Variants in EFCAB8 observed in about 807,000 individuals in gnomAD.
EFCAB8 encodes EF-hand calcium binding domain 8.
In EFCAB8, 100 loss-of-function variants were observed where a neutral mutation model predicts 116.3. The ratio of observed to expected loss-of-function variants is 0.86; its 90% CI spans 0.73 to 1.02. EFCAB8 has a LOEUF of 1.02. Ranked by LOEUF, EFCAB8 falls within the 50% of genes least tolerant of loss-of-function variation. The pLI is 0.00. For synonymous variants in EFCAB8, 558 were observed against 567.9 expected, an observed-to-expected ratio of 0.98 and a Z score of 0.25; for missense variants, 1,320 against 1,416.9, an observed-to-expected ratio of 0.93 and a Z score of 1.10.
chr20:32,958,644 T>C (rs1452980510), intron 24 of EFCAB8, 94 bp downstream of exon 24: 1 of 402,906 alleles, frequency 2.5e-6, no homozygotes, highest in African/African-American at 2.1e-5. Flanking sequence ...CTGGGTTGGG[T>C]AGAGCTAGGC....
At chr20:32,889,826 AC>A (rs1423142405) in intron 7 of EFCAB8, among the ~76,000 whole-genome samples, 1 of 151,082 alleles carries the variant, frequency 6.6e-6, no homozygotes, top group Non-Finnish European at 1.5e-5. Context: ...ACATGGTGAA[AC>A]CCCGCCTCTA....
chr20:32,902,631 T>G (rs974144068), intron 11 of EFCAB8, among the ~76,000 whole-genome samples: 7 of 152,216 alleles, frequency 4.6e-5, no homozygotes, highest in Non-Finnish European at 1.0e-4. Flanking sequence ...CCATGCATTC[T>G]TGTCTGCATG....
At chr20:32,896,633 C>A in intron 10 of EFCAB8, 106 bp downstream of exon 10, 1 of 661,878 alleles carries the variant, frequency 1.5e-6, no homozygotes, top group Non-Finnish European at 2.8e-6. Flanking sequence ...TCAGTCTTAG[C>A]CCTTGGGGTT....
At chr20:32,877,290 C>A (rs1362294660) in intron 4 of EFCAB8, among the ~76,000 whole-genome samples, 1 of 137,112 alleles carries the variant, frequency 7.3e-6, no homozygotes, top group Non-Finnish European at 1.5e-5. Flanking sequence ...CTCTTTGCAA[C>A]CTCTGCCTCC....
intron 6 of EFCAB8, among the ~76,000 whole-genome samples, chr20:32,886,140 TG>T (rs1985616458): frequency 6.6e-6 from 1 of 152,228 alleles, no homozygotes; most frequent in African/African-American, 2.4e-5. Context: ...CTCTGTGACC[TG>T]GACAAGGTAC....
intron 3 of EFCAB8, among the ~76,000 whole-genome samples, chr20:32,871,860 C>T (rs2146178835): frequency 6.6e-6 from 1 of 152,238 alleles, no homozygotes; most frequent in East Asian, 1.9e-4. Flanking sequence ...TGAGGGAAGT[C>T]AGTGGTTCTT....
chr20:32,895,618 C>T (rs1297324580), intron 9 of EFCAB8, among the ~76,000 whole-genome samples: 1 of 148,532 alleles, frequency 6.7e-6, no homozygotes, highest in Non-Finnish European at 1.5e-5. Flanking sequence ...ATTGCCCAGG[C>T]TGGAGTGCAA....
At chr20:32,939,123 TTCTCTTTCTTTC>T (rs1988254882) in intron 22 of EFCAB8, among the ~76,000 whole-genome samples, 1 of 112,748 alleles carries the variant, frequency 8.9e-6, no homozygotes, top group Non-Finnish European at 1.9e-5. Flanking sequence ...CTCTCTTTCT[TTCTCTTTCTTTC>T]TTTCTTTCTT....
intron 15 of EFCAB8, among the ~76,000 whole-genome samples, chr20:32,910,738 CTTTTTT>C (rs34185318): frequency 2.8e-5 from 3 of 107,308 alleles, no homozygotes; most frequent in Admixed American, 1.1e-4. Flanking sequence ...TCACTTGCTA[CTTTTTT>C]TTTTTTTTTT....
At chr20:32,937,109 A>C (rs953436589) in intron 22 of EFCAB8, among the ~76,000 whole-genome samples, 2 of 151,842 alleles carry the variant, frequency 1.3e-5, no homozygotes, top group African/African-American at 4.8e-5. Context: ...ATTTGTAATA[A>C]AATTAAGCAT....
intron 23 of EFCAB8, among the ~76,000 whole-genome samples, chr20:32,955,076 T>G (rs1473002453): frequency 6.6e-6 from 1 of 152,202 alleles, no homozygotes; most frequent in Non-Finnish European, 1.5e-5. Flanking sequence ...TCTCTTGGTT[T>G]TACCTAAAAA....
chr20:32,898,669 A>G, intron 11 of EFCAB8, 46 bp downstream of exon 11: 2 of 694,352 alleles, frequency 2.9e-6, no homozygotes, highest in Non-Finnish European at 2.7e-6. Flanking sequence ...GCTGGAAGGG[A>G]GGGGGGTGGT....
intron 20 of EFCAB8, 147 bp from the exon 21 acceptor site, chr20:32,930,251 G>A: frequency 1.5e-6 from 1 of 648,476 alleles, no homozygotes; most frequent in South Asian, 1.9e-5. Flanking sequence ...ACCAGCTGGG[G>A]AGGAAGGGTG....
At chr20:32,930,284 TG>T in intron 20 of EFCAB8, 113 bp from the exon 21 acceptor site, 1 of 840,844 alleles carries the variant, frequency 1.2e-6, no homozygotes, top group Non-Finnish European at 1.8e-6. Flanking sequence ...CCACTTTCAC[TG>T]GGCATCTAGG....
chr20:32,941,993 A>G (rs903827891), intron 22 of EFCAB8, among the ~76,000 whole-genome samples: 8 of 152,220 alleles, frequency 5.3e-5, no homozygotes, highest in South Asian at 2.1e-4. Context: ...AAGAGTATGT[A>G]AAAGAACATA....
At chr20:32,875,789 A>G (rs532529585) in intron 3 of EFCAB8, 137 bp from the exon 4 acceptor site, 150 of 691,204 alleles carry the variant, frequency 2.2e-4, no homozygotes, top group Non-Finnish European at 3.5e-4. Context: ...AATTACAAGC[A>G]TGAGCCACCG....
intron 20 of EFCAB8, among the ~76,000 whole-genome samples, chr20:32,922,444 C>A (rs11699338): frequency 6.6e-6 from 1 of 151,944 alleles, no homozygotes; most frequent in Middle Eastern, 3.2e-3. Context: ...ACATGCCAGC[C>A]GCTGGGGAAG....
chr20:32,930,365 C>A (rs1012180300), intron 20 of EFCAB8, 33 bp from the exon 21 acceptor site: 18 of 1,531,494 alleles, frequency 1.2e-5, no homozygotes, highest in Non-Finnish European at 1.4e-5. Context: ...TGGCTCACAG[C>A]CCTGCTGAGC....
intron 22 of EFCAB8, among the ~76,000 whole-genome samples, chr20:32,932,172 A>C (rs1987934687): frequency 6.6e-6 from 1 of 152,182 alleles, no homozygotes. Context: ...TGAGGTCAGG[A>C]GTTTGAGACC....
Sources: gnomAD v4.1 joint callset for allele counts (sites outside exome capture counted in the v4.1 genomes callset) on GRCh38, gnomAD v4.1.1 for gene constraint, MANE v1.5 for transcripts, NCBI Gene and HGNC (gene_info 2026-07-23, HGNC 2026-07-21) for gene names.